MRRF: variants seen among roughly 807,000 people sequenced by gnomAD.
The protein encoded by MRRF is ribosome-recycling factor, mitochondrial.
In MRRF, 18 loss-of-function variants were observed where a neutral mutation model predicts 25.1. The observed-to-expected ratio is 0.72, with a 90% CI of 0.50 to 1.06. The LOEUF is 1.06. Ranked by LOEUF, MRRF falls within the 50% of genes least tolerant of loss-of-function variation. The pLI, the probability that MRRF is intolerant of heterozygous loss-of-function variation, is 0.00. For synonymous variants in MRRF, 113 were observed against 112.1 expected (o/e 1.01, Z -0.05); for missense variants, 323 against 319.3 (o/e 1.01, Z -0.09).
At chr9:122,285,567 A>C in intron 4 of MRRF, 1 of 444,282 alleles carries the variant, frequency 2.3e-6, no homozygotes, top group South Asian at 2.1e-5. Context: ...GGCCAGCGTG[A>C]AAAGGCTCTG....
chr9:122,292,019 A>G (rs1833806021), intron 5 of MRRF, among the ~76,000 whole-genome samples, 179 bp downstream of exon 5: 1 of 152,220 alleles, frequency 6.6e-6, no homozygotes, highest in Admixed American at 6.5e-5. Context: ...AGCGCCTGTT[A>G]TGTACTAGAT....
Position 122,313,262 on chromosome 9 carries a change from T to G in MRRF, c.587T>G (p.Leu196Arg). ...TREHREMLVK[L>R]AKQNTNKAKD... ...GAGCACAGAGAAATGCTGGTGAAACTGGCCAAACAGAACACCAACAAGGCC... is the reference window on the plus strand; with the variant it reads ...GAGCACAGAGAAATGCTGGTGAAACGGGCCAAACAGAACACCAACAAGGCC... The change falls in exon 6 of 7, where the codon CTG becomes CGG. Residue 196 changes from leucine to arginine, a missense_variant. Coordinates refer to ENST00000344641, the MANE Select transcript of MRRF (RefSeq NM_138777.5). The G allele has an allele frequency of 6.2e-7, 1 of 1,614,100 alleles. No individual in the cohort carries two copies. The highest frequency in any genetic ancestry group is 1.7e-5 in the Admixed American group (1 of 60,020).
intron 5 of MRRF, among the ~76,000 whole-genome samples, chr9:122,302,882 T>C (rs781437165): frequency 6.6e-6 from 1 of 152,220 alleles, no homozygotes; most frequent in Non-Finnish European, 1.5e-5. Flanking sequence ...ACACTTGTTA[T>C]GATTATCATC....
intron 6 of MRRF, among the ~76,000 whole-genome samples, chr9:122,319,340 C>T (rs752406400): frequency 5.9e-5 from 9 of 151,774 alleles, no homozygotes; most frequent in East Asian, 1.9e-4. Flanking sequence ...TTAGTAGAGA[C>T]GGGGTTTCTC....
intron 5 of MRRF, among the ~76,000 whole-genome samples, chr9:122,296,727 A>G (rs1236777082): frequency 6.6e-6 from 1 of 152,160 alleles, no homozygotes; most frequent in African/African-American, 2.4e-5. Flanking sequence ...CACCTTATTC[A>G]CATCATCATT....
At chr9:122,309,467 T>G (rs778681480) in intron 5 of MRRF, among the ~76,000 whole-genome samples, 5 of 152,188 alleles carry the variant, frequency 3.3e-5, no homozygotes, top group Non-Finnish European at 7.3e-5. Flanking sequence ...CTATTCCCTG[T>G]GGTGAGAATG....
intron 6 of MRRF, among the ~76,000 whole-genome samples, chr9:122,315,776 C>A (rs1835475733): frequency 6.6e-6 from 1 of 152,016 alleles, no homozygotes; most frequent in Non-Finnish European, 1.5e-5. Context: ...ACCTTCAGGG[C>A]CTGCCAGGCA....
chr9:122,284,308 T>C (rs1448634687), intron 3 of MRRF, among the ~76,000 whole-genome samples: 1 of 152,206 alleles, frequency 6.6e-6, no homozygotes, highest in Non-Finnish European at 1.5e-5. Flanking sequence ...GTCTTGGCTC[T>C]TGTTTTTCCT....
intron 3 of MRRF, 42 bp from the exon 4 acceptor site, chr9:122,285,127 A>C (rs778236137): frequency 1.5e-6 from 2 of 1,297,180 alleles, no homozygotes; most frequent in Non-Finnish European, 2.2e-6. Context: ...TGGGGCTACT[A>C]AGGTTCTTTG....
intron 5 of MRRF, among the ~76,000 whole-genome samples, chr9:122,307,228 G>A (rs112984448): frequency 1.3e-5 from 2 of 152,318 alleles, no homozygotes; most frequent in African/African-American, 4.8e-5. Flanking sequence ...GCTCCTGTAG[G>A]GGGGAGTCCC....
intron 5 of MRRF, among the ~76,000 whole-genome samples, chr9:122,311,601 T>C (rs1030250753): frequency 6.6e-6 from 1 of 152,228 alleles, no homozygotes; most frequent in Non-Finnish European, 1.5e-5. Flanking sequence ...AAGATTTTTT[T>C]GAGTCTCATT....
rs1393342470 is a variant in MRRF at position 122,308,900 on chromosome 9, A to C, written c.552-4327A>C. ...TTGTGTGTTGTAGGGATGGGGTCTCACTGACTTGTCCAGGCTTGTATTTTA... is the reference window on the plus strand; with the variant it reads ...TTGTGTGTTGTAGGGATGGGGTCTCCCTGACTTGTCCAGGCTTGTATTTTA... On this transcript the variant is annotated intron_variant, in intron 5 of 6. Coordinates refer to ENST00000344641, the MANE Select transcript of MRRF (RefSeq NM_138777.5). Among the ~76,000 whole-genome samples, 3 of 152,178 alleles carry C rather than the reference A, an allele frequency of 2.0e-5. No homozygotes were observed. In the East Asian group the frequency reaches 5.8e-4, roughly 29 times the overall value.
intron 1 of MRRF, among the ~76,000 whole-genome samples, chr9:122,269,023 G>A (rs1012138013): frequency 5.9e-5 from 9 of 152,028 alleles, no homozygotes; most frequent in African/African-American, 1.9e-4. Context: ...AAAATTAGCC[G>A]GGCGTGGTGG....
At chr9:122,320,628 T>C (rs1196573044) in intron 6 of MRRF, among the ~76,000 whole-genome samples, 1 of 152,244 alleles carries the variant, frequency 6.6e-6, no homozygotes, top group Non-Finnish European at 1.5e-5. Context: ...CCAGCCACTC[T>C]TGCAGTGTGT....
At chr9:122,310,272 C>T (rs1835121363) in intron 5 of MRRF, among the ~76,000 whole-genome samples, 1 of 152,226 alleles carries the variant, frequency 6.6e-6, no homozygotes, top group African/African-American at 2.4e-5. Flanking sequence ...GAGCCCACCG[C>T]TCCTCCTCAT....
chr9:122,303,585 T>G (rs1013008205), intron 5 of MRRF, among the ~76,000 whole-genome samples: 4 of 151,788 alleles, frequency 2.6e-5, no homozygotes, highest in African/African-American at 4.8e-5. Flanking sequence ...CCACAGTGTT[T>G]CCCAGGTTTT....
intron 4 of MRRF, among the ~76,000 whole-genome samples, chr9:122,290,053 CAAAAAAA>C (rs35432998): frequency 8.8e-6 from 1 of 113,312 alleles, no homozygotes; most frequent in Non-Finnish European, 1.9e-5. Context: ...GACCCTGTCT[CAAAAAAA>C]AAAAAGAAAA....
intron 4 of MRRF, among the ~76,000 whole-genome samples, chr9:122,289,295 A>G (rs1039020737): frequency 6.6e-6 from 1 of 152,228 alleles, no homozygotes; most frequent in African/African-American, 2.4e-5. Context: ...AATATATTCA[A>G]TCAACAAGCT....
chr9:122,281,550 G>T (rs1168610342), intron 3 of MRRF, among the ~76,000 whole-genome samples: 1 of 152,362 alleles, frequency 6.6e-6, no homozygotes, highest in East Asian at 1.9e-4. Flanking sequence ...TTGGGCTGGG[G>T]CATTTCTGCC....
Sources: allele counts gnomAD v4.1 joint callset (sites outside exome capture counted in the v4.1 genomes callset), GRCh38; gene constraint gnomAD v4.1.1; transcripts MANE v1.5; gene names NCBI Gene and HGNC (gene_info 2026-07-23, HGNC 2026-07-21).